The following EPS8 variants were observed in gnomAD, a reference collection of about 807,000 sequenced individuals.
EPS8 encodes EGFR pathway substrate 8, signaling adaptor.
A neutral mutation model predicts 103.8 loss-of-function variants in EPS8; 42 were observed. The ratio of observed to expected loss-of-function variants is 0.40; its 90% confidence interval spans 0.32 to 0.52. The LOEUF (loss-of-function observed/expected upper bound fraction) is 0.52, where lower values mean the gene tolerates loss of function less well. Among genes scored for constraint, EPS8 ranks in the 20% least tolerant of loss-of-function variants. EPS8 has a pLI of 0.40. For synonymous variants in EPS8, 344 were observed against 344.6 expected (o/e 1.00, Z 0.02); for missense variants, 969 against 1,005.1 (o/e 0.96, Z 0.49).
intron 19 of EPS8, 115 bp from the exon 20 acceptor site, chr12:15,623,402 GAACCC>G: frequency 1.1e-6 from 1 of 903,316 alleles, no homozygotes; most frequent in Non-Finnish European, 1.6e-6. Context: ...CCATACCCTG[GAACCC>G]TTATTAAATG....
rs1946635451 is a variant in EPS8, at chr12:15,724,819, G to A, written c.-21-41847C>T. ...CTTTCACCTTCTGCCATGATTGTGA[G>A]GCCTCCCCAGCCAAATGGAACTGTG... On this transcript the variant is annotated intron_variant, in intron 1 of 20. Coordinates refer to ENST00000281172, the MANE Select transcript of EPS8 (RefSeq NM_004447.6). Among the ~76,000 whole-genome samples, 3 of 152,156 alleles carry A rather than the reference G, an allele frequency of 2.0e-5. No individual in the cohort carries two copies. In the South Asian group the frequency reaches 6.2e-4, roughly 32 times the overall value.
chr12:15,709,909 C>G (rs1316759105), intron 1 of EPS8, among the ~76,000 whole-genome samples: 2 of 152,212 alleles, frequency 1.3e-5, no homozygotes, highest in Admixed American at 1.3e-4. Context: ...AACACGTAAC[C>G]TAGATCCCTC....
intron 4 of EPS8, among the ~76,000 whole-genome samples, 162 bp from the exon 5 acceptor site, chr12:15,669,987 T>C (rs1945787445): frequency 6.6e-6 from 1 of 152,182 alleles, no homozygotes; most frequent in African/African-American, 2.4e-5. Context: ...AATGAGAGAA[T>C]AAAGCCAACC....
At chr12:15,754,055 C>G (rs972502266) in intron 1 of EPS8, among the ~76,000 whole-genome samples, 26 of 152,302 alleles carry the variant, frequency 1.7e-4, no homozygotes, top group Non-Finnish European at 3.4e-4. Context: ...CCTGGCAAAA[C>G]AGTCACTGTG....
intron 1 of EPS8, among the ~76,000 whole-genome samples, chr12:15,788,261 G>A (rs1947329751): frequency 6.6e-6 from 1 of 152,182 alleles, no homozygotes. Flanking sequence ...GAAAAGAGAA[G>A]CAGTAACACA....
chr12:15,650,019 T>C (rs1945384302), intron 14 of EPS8, among the ~76,000 whole-genome samples: 1 of 152,224 alleles, frequency 6.6e-6, no homozygotes, highest in African/African-American at 2.4e-5. Flanking sequence ...GGTCCAGCTT[T>C]AATCAATGTT....
chr12:15,670,742 A>C (rs535179778), intron 4 of EPS8, 114 bp downstream of exon 4: 6 of 667,282 alleles, frequency 9.0e-6, no homozygotes, highest in Non-Finnish European at 1.5e-5. Flanking sequence ...AAAAAGGTCA[A>C]TGCAACTTAA....
intron 1 of EPS8, among the ~76,000 whole-genome samples, chr12:15,763,630 C>T (rs890306083): frequency 1.2e-4 from 19 of 152,140 alleles, no homozygotes; most frequent in African/African-American, 2.4e-5. Flanking sequence ...AAGTATGCTG[C>T]TCTCATCTAG....
At chr12:15,639,053 AC>A (rs1945184656) in intron 17 of EPS8, among the ~76,000 whole-genome samples, 1 of 152,210 alleles carries the variant, frequency 6.6e-6, no homozygotes, top group African/African-American at 2.4e-5. Context: ...GCAACCACAC[AC>A]ACAAATAAAA....
rs1395306931 is a variant in EPS8, at chr12:15,678,965, A to T, written c.136+2261T>A. On this transcript the variant is annotated intron_variant, in intron 3 of 20. Transcript: ENST00000281172. ...AGATTTTTCATTCCTTGGATCTAAG[A>T]TTTTACAAAGTTGCTTCTAATACAA... is the stretch of plus-strand genomic sequence containing the variant. Among the ~76,000 whole-genome samples the T allele has an allele frequency of 6.6e-5, 10 of 151,246 alleles. No homozygotes were observed. The South Asian group carries it at 1.9e-3, about 29-fold the overall frequency.
chr12:15,635,707 CAT>C (rs1170107815), intron 17 of EPS8, among the ~76,000 whole-genome samples: 1 of 152,000 alleles, frequency 6.6e-6, no homozygotes, highest in South Asian at 2.1e-4. Context: ...GTAGAGATCA[CAT>C]AACTGACTCC....
intron 1 of EPS8, among the ~76,000 whole-genome samples, chr12:15,788,907 C>G (rs369908708): frequency 6.6e-6 from 1 of 152,040 alleles, no homozygotes; most frequent in African/African-American, 2.4e-5. Context: ...CCCTCCCTGC[C>G]CAGCCTCCCG....
At chr12:15,666,650 T>C in intron 6 of EPS8, 128 bp from the exon 7 acceptor site, 2 of 648,346 alleles carry the variant, frequency 3.1e-6, no homozygotes, top group South Asian at 2.1e-5. Flanking sequence ...AGTCTTTTTA[T>C]AAAAATCTTG....
chr12:15,766,507 A>C (rs1221552981), intron 1 of EPS8, among the ~76,000 whole-genome samples: 1 of 151,154 alleles, frequency 6.6e-6, no homozygotes, highest in Non-Finnish European at 1.5e-5. Flanking sequence ...AAAAAAAAAA[A>C]AAAATACAAA....
intron 6 of EPS8, among the ~76,000 whole-genome samples, chr12:15,669,050 C>T (rs576738136): frequency 6.6e-6 from 1 of 152,282 alleles, no homozygotes; most frequent in East Asian, 1.9e-4. Context: ...ACAACCACAT[C>T]TAGCTAATTT....
Position 15,697,020 on chromosome 12 carries a change from G to C in EPS8, c.-21-14048C>G, listed in dbSNP as rs1259200420. ...TCAGAAAGAAGAGGAGATTTGAAGA[G>C]GGAATTATCGTAAGGCCAGCATTTG... On this transcript the variant is annotated intron_variant, in intron 1 of 20. Transcript: ENST00000281172. This position sits in a 1 kb window ranked among gnomAD's most constrained non-coding sequence, Gnocchi z 5.6. Among the ~76,000 whole-genome samples the C allele has an allele frequency of 6.6e-6, 1 of 152,110 alleles. No homozygotes were observed. Among genetic ancestry groups the C allele is most frequent in the Non-Finnish European group, 1.5e-5 (1 of 68,024 alleles).
chr12:15,739,597 C>A (rs1946799531), intron 1 of EPS8, among the ~76,000 whole-genome samples: 1 of 152,100 alleles, frequency 6.6e-6, no homozygotes, highest in South Asian at 2.1e-4. Context: ...TCCAGGGTCT[C>A]TGGTTTTTGG....
chr12:15,678,876 T>C (rs1945954796), intron 3 of EPS8, among the ~76,000 whole-genome samples: 1 of 134,436 alleles, frequency 7.4e-6, no homozygotes, highest in East Asian at 2.1e-4. Flanking sequence ...ATTGCACCAA[T>C]GCACTCTAGC....
chr12:15,719,381 T>C (rs1188403746), intron 1 of EPS8, among the ~76,000 whole-genome samples: 2 of 152,148 alleles, frequency 1.3e-5, no homozygotes, highest in African/African-American at 4.8e-5. Flanking sequence ...TGTCATCCTT[T>C]AAAAGTAAAA....
Sources: gnomAD v4.1 joint callset for allele counts (sites outside exome capture counted in the v4.1 genomes callset) on GRCh38, gnomAD v4.1.1 for gene constraint, Gnocchi (gnomAD v3.1) non-coding constraint, MANE v1.5 for transcripts, NCBI Gene and HGNC (gene_info 2026-07-23, HGNC 2026-07-21) for gene names.